CGRRF1: variants seen among roughly 807,000 people sequenced by gnomAD.
CGRRF1 encodes the protein cell growth regulator with RING finger domain protein 1.
A neutral mutation model predicts 37.2 loss-of-function variants in CGRRF1; 32 were observed. That is an observed-to-expected ratio of 0.86 (90% CI 0.65 to 1.16). The LOEUF is 1.16. Ranked by LOEUF, CGRRF1 falls within the 50% of genes most tolerant of loss-of-function variation. The pLI is 0.00. For synonymous variants in CGRRF1, 141 were observed against 140.3 expected (o/e 1.00, Z -0.04); for missense variants, 391 against 382.6 (o/e 1.02, Z -0.18).
chr14:54,538,287 T>C lies in CGRRF1; in HGVS notation c.903T>C (p.Tyr301=). The part of the protein sequence containing the change: ...HTCLCDGCVK[Y]FQQCPMCRQF... Reference sequence around the variant, plus strand: ...GCCTGTGTGATGGCTGTGTGAAGTATTTTCAGCAGTGCCCAATGTGCAGGC... The same window carrying C: ...GCCTGTGTGATGGCTGTGTGAAGTACTTTCAGCAGTGCCCAATGTGCAGGC... Residue 301 remains tyrosine, a synonymous_variant, in exon 6 of 6, where the codon TAT becomes TAC. Coordinates refer to ENST00000216420, the MANE Select transcript of CGRRF1 (RefSeq NM_006568.3). 6.2e-7 allele frequency: 1 copy of C among 1,614,184 alleles called. No individual in the cohort carries two copies. The highest frequency in any genetic ancestry group is 8.5e-7 in the Non-Finnish European group (1 of 1,180,024).
intron 1 of CGRRF1, among the ~76,000 whole-genome samples, chr14:54,520,293 ATG>A (rs112822453): frequency 1.3e-5 from 2 of 150,178 alleles, no homozygotes; most frequent in Non-Finnish European, 3.0e-5. Flanking sequence ...GTGTGTGTGT[ATG>A]TGTGTGTGTG....
At chr14:54,532,513 G>C (rs780946634) in intron 4 of CGRRF1, among the ~76,000 whole-genome samples, 5 of 152,096 alleles carry the variant, frequency 3.3e-5, no homozygotes, top group Non-Finnish European at 5.9e-5. Flanking sequence ...AACTGTGTAA[G>C]ATGATGCGTA....
Position 54,538,339 on chromosome 14 carries a change from T to C in CGRRF1, c.955T>C (p.Cys319Arg). 1 of 1,613,036 alleles carries C rather than the reference T, an allele frequency of 6.2e-7. No homozygotes were observed. The highest frequency in any genetic ancestry group is 1.7e-5 in the Admixed American group (1 of 59,998). ...GTTTGTTCAGGAATCTTTTGCACTTTGCAGTCAAAAAGAGCAAGATAAAGA... is the reference window on the plus strand; with the variant it reads ...GTTTGTTCAGGAATCTTTTGCACTTCGCAGTCAAAAAGAGCAAGATAAAGA... ...RQFVQESFAL[C>R]SQKEQDKDKP... Residue 319 changes from cysteine to arginine, a missense_variant, in exon 6 of 6, where the codon TGC becomes CGC. Cys to Arg is a radical substitution (Grantham distance 180). Transcript: ENST00000216420.
chr14:54,528,442 A>G (rs1367393256), intron 2 of CGRRF1, among the ~76,000 whole-genome samples: 1 of 152,080 alleles, frequency 6.6e-6, no homozygotes, highest in East Asian at 1.9e-4. Flanking sequence ...CCTTATACAT[A>G]TATCTTTTCA....
At chr14:54,522,351 C>T (rs1242213663) in intron 1 of CGRRF1, 103 bp from the exon 2 acceptor site, 3 of 800,532 alleles carry the variant, frequency 3.7e-6, no homozygotes, top group East Asian at 6.3e-5. Flanking sequence ...CTTTCTGACA[C>T]TTAATGCTAA....
At chr14:54,511,669 AACAG>A (rs911067674) in intron 1 of CGRRF1, among the ~76,000 whole-genome samples, 2 of 152,222 alleles carry the variant, frequency 1.3e-5, no homozygotes, top group Admixed American at 6.5e-5. Context: ...TGTAGTGGTT[AACAG>A]ACAGACTTTG....
At chr14:54,518,570 A>G (rs1426493765) in intron 1 of CGRRF1, among the ~76,000 whole-genome samples, 1 of 152,048 alleles carries the variant, frequency 6.6e-6, no homozygotes, top group African/African-American at 2.4e-5. Context: ...AAAGAAAAAA[A>G]AAAGTGTTTC....
intron 1 of CGRRF1, among the ~76,000 whole-genome samples, chr14:54,513,606 GT>G (rs2032166818): frequency 6.6e-6 from 1 of 151,068 alleles, no homozygotes; most frequent in Admixed American, 6.7e-5. Flanking sequence ...GTTATGTTAT[GT>G]TATGTTATGT....
At chr14:54,523,517 C>CT (rs200889308) in intron 2 of CGRRF1, among the ~76,000 whole-genome samples, 3,486 of 148,864 alleles carry the variant, frequency 0.023, 89 homozygotes, top group East Asian at 0.095. Context: ...GTCTCTCTTA[C>CT]TTTTTTTTTC....
At chr14:54,513,593 TATGTTATGTTATGTTATGTTATGTA>T (rs1198779425) in intron 1 of CGRRF1, among the ~76,000 whole-genome samples, 2 of 150,886 alleles carry the variant, frequency 1.3e-5, no homozygotes, top group Non-Finnish European at 2.9e-5. Context: ...TATGTTATGT[TATGTTATGTTATGTTATGTTATGTA>T]ATGTTATGTT....
At chr14:54,522,425 A>G in intron 1 of CGRRF1, 29 bp from the exon 2 acceptor site, 4 of 1,432,534 alleles carry the variant, frequency 2.8e-6, no homozygotes, top group Non-Finnish European at 3.7e-6. Context: ...ATTTGTTAAA[A>G]TAATATTTTA....
At chr14:54,516,977 T>C (rs1249061656) in intron 1 of CGRRF1, among the ~76,000 whole-genome samples, 4 of 152,234 alleles carry the variant, frequency 2.6e-5, no homozygotes, top group African/African-American at 9.6e-5. Flanking sequence ...TAAAACATTA[T>C]CTTTTTCATC....
intron 1 of CGRRF1, among the ~76,000 whole-genome samples, chr14:54,515,977 G>A (rs1285549938): frequency 1.3e-5 from 2 of 151,776 alleles, no homozygotes; most frequent in Admixed American, 1.3e-4. Context: ...TGTTTGTTTT[G>A]TCTGTTCTTT....
intron 2 of CGRRF1, among the ~76,000 whole-genome samples, chr14:54,526,122 A>G (rs1367468351): frequency 6.9e-6 from 1 of 145,078 alleles, no homozygotes; most frequent in South Asian, 2.2e-4. Flanking sequence ...AAAAACACAC[A>G]TGCTTTTTAT....
chr14:54,529,941 C>T, intron 2 of CGRRF1, 108 bp from the exon 3 acceptor site: 1 of 801,148 alleles, frequency 1.2e-6, no homozygotes, highest in Non-Finnish European at 2.0e-6. Context: ...CTTTTAACTG[C>T]CATCATCCTG....
intron 2 of CGRRF1, among the ~76,000 whole-genome samples, chr14:54,526,414 G>T (rs2032412910): frequency 6.6e-6 from 1 of 151,480 alleles, no homozygotes; most frequent in South Asian, 2.1e-4. Flanking sequence ...CTCCCAAAGT[G>T]CTGGGATTAC....
intron 1 of CGRRF1, among the ~76,000 whole-genome samples, chr14:54,520,516 G>C (rs1229128230): frequency 6.6e-6 from 1 of 152,166 alleles, no homozygotes; most frequent in African/African-American, 2.4e-5. Context: ...TCAAGATACT[G>C]AACGTTACCG....
intron 4 of CGRRF1, among the ~76,000 whole-genome samples, chr14:54,532,293 A>C (rs542928038): frequency 1.3e-5 from 2 of 152,274 alleles, no homozygotes; most frequent in African/African-American, 4.8e-5. Context: ...TTCAAACTGA[A>C]GTTCCATTGA....
intron 1 of CGRRF1, 71 bp downstream of exon 1, chr14:54,510,134 G>A (rs919963087): frequency 5.8e-6 from 7 of 1,205,834 alleles, no homozygotes; most frequent in Non-Finnish European, 8.5e-6. Flanking sequence ...GCAGCAGGGG[G>A]CACCGGAGCC....
Sources: allele counts gnomAD v4.1 joint callset (sites outside exome capture counted in the v4.1 genomes callset), GRCh38; gene constraint gnomAD v4.1.1; transcripts MANE v1.5; gene names NCBI Gene and HGNC (gene_info 2026-07-23, HGNC 2026-07-21).